TBC1D5: variants seen among roughly 807,000 people sequenced by gnomAD.
TBC1D5 encodes the protein TBC1 domain family, member 5.
TBC1D5 carries 75 observed loss-of-function variants against 100.3 expected under a neutral mutation model. That is an observed-to-expected ratio of 0.75 (90% CI 0.62 to 0.91). TBC1D5 has a LOEUF of 0.91. Among genes scored for constraint, TBC1D5 ranks in the 40% least tolerant of loss-of-function variants. TBC1D5 has a pLI of 0.00. For synonymous variants in TBC1D5, 323 were observed against 325.6 expected (o/e 0.99, Z 0.09); for missense variants, 910 against 942.4 (o/e 0.97, Z 0.45).
At chr3:17,171,857 G>C (rs55954744) in intron 19 of TBC1D5, among the ~76,000 whole-genome samples, 12,655 of 152,172 alleles carry the variant, frequency 0.083, 552 homozygotes, top group African/African-American at 0.095. Context: ...TTCAATAAAA[G>C]ACAATGCAAC....
chr3:17,511,022 G>A (rs2095898831), intron 2 of TBC1D5, among the ~76,000 whole-genome samples: 1 of 151,736 alleles, frequency 6.6e-6, no homozygotes, highest in Non-Finnish European at 1.5e-5. Flanking sequence ...GCGACAAAAA[G>A]ACCAGGTATA....
At chr3:17,533,326 T>C (rs980791685) in intron 2 of TBC1D5, among the ~76,000 whole-genome samples, 4 of 152,178 alleles carry the variant, frequency 2.6e-5, no homozygotes, top group African/African-American at 9.7e-5. Flanking sequence ...CATATCAATT[T>C]CATTAATCAC....
rs2068988346 is a variant in TBC1D5, at chr3:17,185,906, A to G, written c.1753-698T>C. ...GTACTCTGGGTTGAATAATTATCTA[A>G]GTTAAATTATCTAAAAACAATCGAA... On this transcript the variant is annotated intron_variant, in intron 18 of 21. Coordinates refer to ENST00000253692, the Ensembl canonical transcript of TBC1D5. 2.6e-5 allele frequency among the ~76,000 whole-genome samples: 4 copies of G among 151,854 alleles called. No individual in the cohort carries two copies. In the South Asian group the frequency reaches 8.3e-4, roughly 32 times the overall value.
At chr3:17,544,733 G>C (rs2096397907) in intron 2 of TBC1D5, among the ~76,000 whole-genome samples, 1 of 151,360 alleles carries the variant, frequency 6.6e-6, no homozygotes, top group Non-Finnish European at 1.5e-5. Flanking sequence ...TTCCAAACAT[G>C]GTGAAATAAA....
exon 22 of TBC1D5, chr3:17,160,589 A>G (rs1803469): frequency 1.6e-4 from 31 of 198,752 alleles, no homozygotes; most frequent in African/African-American, 6.8e-4. Context: ...TCTAAGTATA[A>G]CTGATGGAGG....
intron 14 of TBC1D5, among the ~76,000 whole-genome samples, chr3:17,304,590 G>T (rs2083207684): frequency 6.6e-6 from 1 of 152,110 alleles, no homozygotes; most frequent in South Asian, 2.1e-4. Context: ...ATTTTTTGTA[G>T]AGATGGGGTT....
At chr3:17,665,337 T>C (rs1009145965) in intron 1 of TBC1D5, among the ~76,000 whole-genome samples, 4 of 152,228 alleles carry the variant, frequency 2.6e-5, no homozygotes, top group Admixed American at 1.3e-4. Context: ...ACTCAGTGTC[T>C]CGCTCATATC....
At chr3:17,371,088 CACACACAT>C (rs2092428814) in intron 13 of TBC1D5, among the ~76,000 whole-genome samples, 1 of 151,984 alleles carries the variant, frequency 6.6e-6, no homozygotes, top group African/African-American at 2.4e-5. Flanking sequence ...CACACACACA[CACACACAT>C]GCACACCCAC....
chr3:17,254,670 CTTTAAT>C (rs2077473917), intron 16 of TBC1D5, among the ~76,000 whole-genome samples: 1 of 141,964 alleles, frequency 7.0e-6, no homozygotes, highest in Non-Finnish European at 1.5e-5. Context: ...ACAAAAAAAC[CTTTAAT>C]TTTAAGTTCA....
At chr3:17,244,053 G>A (rs1012386723) in intron 16 of TBC1D5, among the ~76,000 whole-genome samples, 1 of 152,124 alleles carries the variant, frequency 6.6e-6, no homozygotes, top group African/African-American at 2.4e-5. Context: ...TTTTGGTGTG[G>A]CTTAGAAATG....
chr3:17,212,142 T>C (rs1027644162), intron 18 of TBC1D5, among the ~76,000 whole-genome samples: 9 of 152,212 alleles, frequency 5.9e-5, no homozygotes, highest in African/African-American at 2.2e-4. Flanking sequence ...CTGTATTACC[T>C]TGGCATCCTC....
rs141957989 is a variant in TBC1D5, at chr3:17,209,075, T to A, written c.1752+5132A>T. Among the ~76,000 whole-genome samples the A allele has an allele frequency of 9.2e-3, 1,396 of 152,288 alleles. 22 individuals are homozygous for A. Among genetic ancestry groups the A allele is most frequent in the African/African-American group, 0.031 (1,303 of 41,558 alleles). On this transcript the variant is annotated intron_variant, in intron 18 of 21. Coordinates refer to ENST00000253692, the Ensembl canonical transcript of TBC1D5. Reference sequence around the variant, plus strand: ...CACAACCCGACCCTCCACTTCTTTCTCCCCAGAAACAACCATTTTAAATTC... The same window carrying A: ...CACAACCCGACCCTCCACTTCTTTCACCCCAGAAACAACCATTTTAAATTC...
chr3:17,176,365 A>G (rs1559353474), intron 19 of TBC1D5, among the ~76,000 whole-genome samples: 1 of 152,214 alleles, frequency 6.6e-6, no homozygotes, highest in Non-Finnish European at 1.5e-5. Context: ...CCAGGAATGA[A>G]ATGACACAAA....
At chr3:17,270,442 A>G (rs1401583126) in intron 15 of TBC1D5, among the ~76,000 whole-genome samples, 1 of 152,074 alleles carries the variant, frequency 6.6e-6, no homozygotes, top group African/African-American at 2.4e-5. Flanking sequence ...GTTAGCACAG[A>G]AAGATTGAGC....
chr3:17,393,752 G>A (rs561784436), intron 8 of TBC1D5, among the ~76,000 whole-genome samples: 1 of 152,220 alleles, frequency 6.6e-6, no homozygotes, highest in Admixed American at 6.5e-5. Context: ...AAATGGTGTT[G>A]GGGAAACTGG....
intron 1 of TBC1D5, among the ~76,000 whole-genome samples, chr3:17,646,787 T>C (rs186745925): frequency 1.3e-5 from 2 of 152,148 alleles, no homozygotes; most frequent in Admixed American, 1.3e-4. Flanking sequence ...GATTTTTTTT[T>C]AAATTTTAGA....
intron 1 of TBC1D5, among the ~76,000 whole-genome samples, chr3:17,668,858 G>T (rs1033103679): frequency 6.6e-6 from 1 of 152,106 alleles, no homozygotes; most frequent in Non-Finnish European, 1.5e-5. Flanking sequence ...CAGGAAGTAG[G>T]GTTTGTAATC....
At chr3:17,329,810 T>A (rs930394387) in intron 13 of TBC1D5, among the ~76,000 whole-genome samples, 1 of 152,168 alleles carries the variant, frequency 6.6e-6, no homozygotes, top group Non-Finnish European at 1.5e-5. Context: ...ATTTCAAAGA[T>A]AAGAACTAGT....
At chr3:17,621,058 T>C (rs999745457) in intron 2 of TBC1D5, among the ~76,000 whole-genome samples, 6 of 152,128 alleles carry the variant, frequency 3.9e-5, no homozygotes, top group Non-Finnish European at 5.9e-5. Context: ...AAAAAGTAAA[T>C]GTGTTGATAC....
Sources: gnomAD v4.1 joint callset for allele counts (sites outside exome capture counted in the v4.1 genomes callset) on GRCh38, gnomAD v4.1.1 for gene constraint, MANE v1.5 for transcripts, NCBI Gene and HGNC (gene_info 2026-07-23, HGNC 2026-07-21) for gene names.